SIN3B: variants seen among roughly 807,000 people sequenced by gnomAD.
The protein encoded by SIN3B is paired amphipathic helix protein Sin3b.
Under a neutral mutation model 120.2 loss-of-function variants are expected in SIN3B, and 19 were observed. The ratio of observed to expected loss-of-function variants is 0.16; its 90% CI spans 0.11 to 0.23. The LOEUF is 0.23. SIN3B is among the 10% of genes least tolerant of loss of function. SIN3B has a pLI of 1.00. For synonymous variants in SIN3B, 654 were observed against 653.2 expected (o/e 1.00, Z -0.02); for missense variants, 1,073 against 1,573.0 (o/e 0.68, Z 5.38).
chr19:16,847,266 C>T lies in SIN3B; in HGVS notation c.726+153C>T, dbSNP rs1467247990. On this transcript the variant is annotated intron_variant, in intron 5 of 18. Transcript: ENST00000248054. ...CGCAGGTTGCAGATACCCAGGGGTT[C>T]CTCACTGTAGGCTCCACCTGCACAG... 2.6e-5 allele frequency among the ~76,000 whole-genome samples: 4 copies of T among 152,370 alleles called. No individual in the cohort carries two copies. In the East Asian group the frequency reaches 7.7e-4, roughly 29 times the overall value.
intron 4 of SIN3B, chr19:16,846,491 C>T (rs577405802): frequency 6.5e-6 from 1 of 153,576 alleles, no homozygotes; most frequent in Non-Finnish European, 1.5e-5. Flanking sequence ...CCCGTTCCTG[C>T]CTTCCAACCT....
intron 6 of SIN3B, among the ~76,000 whole-genome samples, chr19:16,852,471 T>C (rs1213687003): frequency 2.0e-5 from 3 of 152,212 alleles, no homozygotes; most frequent in Admixed American, 2.0e-4. Flanking sequence ...GGTCTCGAAC[T>C]CCTGGGCTCA....
At chr19:16,845,421 C>T (rs536453792) in intron 4 of SIN3B, among the ~76,000 whole-genome samples, 110 of 151,506 alleles carry the variant, frequency 7.3e-4, no homozygotes, top group South Asian at 2.7e-3. Context: ...TACAGGCACG[C>T]GCCCCCACAC....
intron 10 of SIN3B, among the ~76,000 whole-genome samples, chr19:16,864,628 G>C (rs1599607191): frequency 6.6e-6 from 1 of 151,890 alleles, no homozygotes; most frequent in Non-Finnish European, 1.5e-5. Context: ...CACCACACCT[G>C]GCTAATTTTT....
chr19:16,878,197 TC>T lies in SIN3B; in HGVS notation c.2971del (p.Arg991AlafsTer47). The part of the protein sequence containing the change: ...PVFLQRNLKK[F>X]RRRWQSEQAR... ...TTCGCCCCCAGGAACCTCAAGAAGT[TC>T]CGCCGCCGGTGGCAGAGCGAGCAGG... is the stretch of plus-strand genomic sequence containing the variant. On this transcript the variant is annotated frameshift_variant, in exon 18 of 19. Transcript: ENST00000248054. LOFTEE classifies it high-confidence loss of function. 2 of 1,574,844 alleles carry T rather than the reference TC, an allele frequency of 1.3e-6. No individual in the cohort carries two copies. The highest frequency in any genetic ancestry group is 1.2e-5 in the South Asian group (1 of 86,682).
At chr19:16,848,246 C>T (rs1971503073) in intron 5 of SIN3B, among the ~76,000 whole-genome samples, 1 of 152,162 alleles carries the variant, frequency 6.6e-6, no homozygotes, top group African/African-American at 2.4e-5. Context: ...CACCTGTTTT[C>T]AGTTCTTTTG....
At chr19:16,841,150 C>A (rs975588913) in intron 3 of SIN3B, among the ~76,000 whole-genome samples, 1 of 151,940 alleles carries the variant, frequency 6.6e-6, no homozygotes, top group Non-Finnish European at 1.5e-5. Flanking sequence ...TTGCTCATAT[C>A]GGCTGAAAAG....
intron 14 of SIN3B, among the ~76,000 whole-genome samples, chr19:16,874,369 G>T (rs2051554176): frequency 1.3e-5 from 2 of 151,852 alleles, no homozygotes; most frequent in African/African-American, 4.8e-5. Context: ...GGTCTGGTTT[G>T]GTTTTGGTTT....
At chr19:16,861,256 C>G (rs1276703823) in intron 8 of SIN3B, among the ~76,000 whole-genome samples, 1 of 152,170 alleles carries the variant, frequency 6.6e-6, no homozygotes. Context: ...GTGGAAATGA[C>G]TCAAACCCCT....
At chr19:16,877,250 G>A in intron 16 of SIN3B, 1 of 428,116 alleles carries the variant, frequency 2.3e-6, no homozygotes, top group Non-Finnish European at 4.2e-6. Context: ...GCCGGGCGGT[G>A]CTCCTGCCAA....
chr19:16,877,712 G>C, intron 17 of SIN3B, 73 bp downstream of exon 17: 4 of 1,082,904 alleles, frequency 3.7e-6, no homozygotes, highest in Non-Finnish European at 2.8e-6. Context: ...GTCCTGACGG[G>C]GGCTGGACCA....
intron 3 of SIN3B, among the ~76,000 whole-genome samples, chr19:16,831,944 C>T (rs1402804125): frequency 6.6e-6 from 1 of 152,192 alleles, no homozygotes; most frequent in Non-Finnish European, 1.5e-5. Context: ...TCAGCAGTTG[C>T]TGAGGTCTTG....
At chr19:16,842,419 T>C (rs1292637998) in intron 4 of SIN3B, among the ~76,000 whole-genome samples, 1 of 150,260 alleles carries the variant, frequency 6.7e-6, no homozygotes, top group Admixed American at 6.6e-5. Flanking sequence ...TTTTTTTTTT[T>C]TTTTTGAGAC....
chr19:16,831,625 T>C lies in SIN3B; in HGVS notation c.359T>C (p.Ile120Thr). The C allele has an allele frequency of 1.2e-6, 2 of 1,614,034 alleles. No homozygotes were observed. Among genetic ancestry groups the C allele is most frequent in the South Asian group, 2.2e-5 (2 of 91,092 alleles). ...ATTCCCAAGAATGGCAAGTTAAACATACAGTCGCCTCTGACAAGCCAGGTA... is the reference window on the plus strand; with the variant it reads ...ATTCCCAAGAATGGCAAGTTAAACACACAGTCGCCTCTGACAAGCCAGGTA... ...IDIPKNGKLNIQSPLTSQENS... is the reference protein window; with the variant it reads ...IDIPKNGKLNTQSPLTSQENS... Residue 120 changes from isoleucine (I) to threonine (T), a missense_variant, in exon 3 of 19, where the codon ATA becomes ACA. Physicochemically the swap from Ile to Thr is moderately conservative, Grantham distance 89. Transcript: ENST00000248054.
chr19:16,876,594 C>T lies in SIN3B; in HGVS notation c.2859+16C>T. The T allele has an allele frequency of 6.2e-7, 1 of 1,600,658 alleles. No homozygotes were observed. Among genetic ancestry groups the T allele is most frequent in the Non-Finnish European group, 8.6e-7 (1 of 1,169,298 alleles). On this transcript the variant is annotated intron_variant, in intron 16 of 18. Coordinates refer to ENST00000248054, the MANE Select transcript of SIN3B (RefSeq NM_001297595.2). This position sits in a 1 kb window ranked among gnomAD's most constrained non-coding sequence, Gnocchi z 7.1. Reference sequence around the variant, plus strand: ...GGAGGTCCAGGTGAGGCCCTGGCCCCAGTCTGTGCCACGCATACCAGGGAG... The same window carrying T: ...GGAGGTCCAGGTGAGGCCCTGGCCCTAGTCTGTGCCACGCATACCAGGGAG...
chr19:16,848,967 G>T (rs1971512466), intron 5 of SIN3B, among the ~76,000 whole-genome samples: 1 of 152,140 alleles, frequency 6.6e-6, no homozygotes, highest in Admixed American at 6.5e-5. Context: ...ATTTATGCAG[G>T]GCACCCGGCT....
intron 12 of SIN3B, 144 bp downstream of exon 12, chr19:16,866,700 C>T: frequency 1.4e-6 from 1 of 739,156 alleles, no homozygotes; most frequent in East Asian, 2.7e-5. Flanking sequence ...GGGTTCATGT[C>T]TCTGTGATGC....
chr19:16,856,400 C>T (rs1971615049), intron 8 of SIN3B, among the ~76,000 whole-genome samples: 1 of 152,126 alleles, frequency 6.6e-6, no homozygotes, highest in African/African-American at 2.4e-5. Context: ...ATGTACCGAC[C>T]TATGTGGGGT....
rs568451747 is a variant in SIN3B, at chr19:16,876,606, C to G, written c.2859+28C>G. The G allele has an allele frequency of 1.9e-6, 3 of 1,580,404 alleles. No individual in the cohort carries two copies. The highest frequency in any genetic ancestry group is 2.6e-6 in the Non-Finnish European group (3 of 1,152,476). On this transcript the variant is annotated intron_variant, in intron 16 of 18. Coordinates refer to ENST00000248054, the MANE Select transcript of SIN3B (RefSeq NM_001297595.2). The surrounding 1 kb of genome is among the most constrained non-coding windows in gnomAD (Gnocchi z 7.1). ...GAGGCCCTGGCCCCAGTCTGTGCCA[C>G]GCATACCAGGGAGCGCCTGAGGGCA...
Sources: allele counts gnomAD v4.1 joint callset (sites outside exome capture counted in the v4.1 genomes callset), GRCh38; gene constraint gnomAD v4.1.1; non-coding constraint Gnocchi (gnomAD v3.1); transcripts MANE v1.5; gene names NCBI Gene and HGNC (gene_info 2026-07-23, HGNC 2026-07-21).